The following RPP21 variants were observed in gnomAD, a reference collection of about 807,000 sequenced individuals.
The protein encoded by RPP21 is ribonuclease P subunit p21, also known as ribonuclease P protein subunit p21.
In RPP21, 21 loss-of-function variants were observed where a neutral mutation model predicts 19.0. That is an observed-to-expected ratio of 1.11 (90% CI 0.78 to 1.59). The LOEUF is 1.59. Ranked by LOEUF, RPP21 falls within the 40% of genes most tolerant of loss-of-function variation. The probability of loss-of-function intolerance (pLI) is 0.00; values close to 1 mark genes in which losing one functional copy is unlikely to be tolerated. For synonymous variants in RPP21, 93 were observed against 78.7 expected, an observed-to-expected ratio of 1.18 and a Z score of -0.96; for missense variants, 215 against 200.2, an observed-to-expected ratio of 1.07 and a Z score of -0.45.
chr6:30,346,427 C>T lies in RPP21; in HGVS notation c.242-5C>T. On this transcript the variant is annotated splice_polypyrimidine_tract_variant and splice_region_variant and intron_variant, in intron 3 of 4. Coordinates refer to ENST00000442966, the MANE Select transcript of RPP21 (RefSeq NM_024839.4). This position sits in a 1 kb window ranked among gnomAD's most constrained non-coding sequence, Gnocchi z 4.7. ...TGGACAGTCTTTTTCCCATGTTCACCCTAGGCTGCAGGGGACAGCGCTGGA... is the reference window on the plus strand; with the variant it reads ...TGGACAGTCTTTTTCCCATGTTCACTCTAGGCTGCAGGGGACAGCGCTGGA... The T allele has an allele frequency of 6.2e-7, 1 of 1,612,952 alleles. No individual in the cohort carries two copies. The highest frequency in any genetic ancestry group is 8.5e-7 in the Non-Finnish European group (1 of 1,179,242).
intron 3 of RPP21, 71 bp downstream of exon 3, chr6:30,345,644 G>A: frequency 9.4e-7 from 1 of 1,058,584 alleles, no homozygotes; most frequent in Non-Finnish European, 1.3e-6. Flanking sequence ...TGGGGGGCGG[G>A]CACTGGAGGC....
Position 30,346,833 on chromosome 6 carries a change from T to C in RPP21, c.*23T>C. The C allele has an allele frequency of 1.2e-6, 2 of 1,611,548 alleles. No individual in the cohort carries two copies. The highest frequency in any genetic ancestry group is 1.7e-6 in the Non-Finnish European group (2 of 1,178,820). Reference sequence around the variant, plus strand: ...TGATGGATTCACCCCATCTCCCAAATAAAGTTTACTTGTTTTACATTCCAT... The same window carrying C: ...TGATGGATTCACCCCATCTCCCAAACAAAGTTTACTTGTTTTACATTCCAT... On this transcript the variant is annotated 3_prime_UTR_variant, in exon 5 of 5. Transcript: ENST00000442966. The surrounding 1 kb of genome is among the most constrained non-coding windows in gnomAD (Gnocchi z 4.7).
chr6:30,346,818 A>C lies in RPP21; in HGVS notation c.*8A>C. On this transcript the variant is annotated 3_prime_UTR_variant, in exon 5 of 5. Coordinates refer to ENST00000442966, the MANE Select transcript of RPP21 (RefSeq NM_024839.4). The surrounding 1 kb of genome is among the most constrained non-coding windows in gnomAD (Gnocchi z 4.7). ...GGTTCCAGTAACCAGTGATGGATTC[A>C]CCCCATCTCCCAAATAAAGTTTACT... The C allele has an allele frequency of 6.2e-7, 1 of 1,612,980 alleles. No homozygotes were observed. Among genetic ancestry groups the C allele is most frequent in the Non-Finnish European group, 8.5e-7 (1 of 1,179,924 alleles).
Position 30,346,829 on chromosome 6 carries a change from C to A in RPP21, c.*19C>A, listed in dbSNP as rs748653720. On this transcript the variant is annotated 3_prime_UTR_variant, in exon 5 of 5. Transcript: ENST00000442966. This position sits in a 1 kb window ranked among gnomAD's most constrained non-coding sequence, Gnocchi z 4.7. ...CCAGTGATGGATTCACCCCATCTCC[C>A]AAATAAAGTTTACTTGTTTTACATT... The A allele has an allele frequency of 2.0e-5, 32 of 1,612,096 alleles. No homozygotes were observed. Among genetic ancestry groups the A allele is most frequent in the Non-Finnish European group, 2.7e-5 (32 of 1,179,286 alleles).
At chr6:30,345,767 C>A in intron 3 of RPP21, 194 bp downstream of exon 3, 2 of 623,460 alleles carry the variant, frequency 3.2e-6, no homozygotes, top group Non-Finnish European at 5.0e-6. Context: ...AGGGTTTGGG[C>A]TCGGCTGTTT....
chr6:30,346,597 T>C lies in RPP21; in HGVS notation c.367+40T>C, dbSNP rs1562439931. The C allele has an allele frequency of 1.2e-6, 2 of 1,614,016 alleles. No homozygotes were observed. Among genetic ancestry groups the C allele is most frequent in the Admixed American group, 1.7e-5 (1 of 60,020 alleles). On this transcript the variant is annotated intron_variant, in intron 4 of 4. Coordinates refer to ENST00000442966, the MANE Select transcript of RPP21 (RefSeq NM_024839.4). The surrounding 1 kb of genome is among the most constrained non-coding windows in gnomAD (Gnocchi z 4.7). ...AGAAAATGGAGGACACCCCAGAGGA[T>C]AGGGACAATGGAGAACGTAGAGTGA...
In RPP21 at chr6:30,345,403, G is replaced by C; in HGVS notation, c.158+5G>C. The C allele has an allele frequency of 6.2e-7, 1 of 1,612,432 alleles. No individual in the cohort carries two copies. On this transcript the variant is annotated splice_donor_5th_base_variant and intron_variant, in intron 2 of 4. Transcript: ENST00000442966. ...GAAGCGGCTCGTCTTGCGGCGGTGA[G>C]ACAGCCACGGGGCGGGCGGCGGGCG...
intron 3 of RPP21, 28 bp downstream of exon 3, chr6:30,345,601 TGCG>T (rs750396948): frequency 3.5e-5 from 27 of 777,350 alleles, no homozygotes; most frequent in Middle Eastern, 3.6e-4. Context: ...GGTGGAAGAC[TGCG>T]GAGCATTGGG....
Position 30,346,472 on chromosome 6 carries a change from A to T in RPP21, c.282A>T (p.Thr94=), listed in dbSNP as rs753641041. Residue 94 remains threonine (T), a synonymous_variant, in exon 4 of 5, where the codon ACA becomes ACT. Coordinates refer to ENST00000442966, the MANE Select transcript of RPP21 (RefSeq NM_024839.4). This position sits in a 1 kb window ranked among gnomAD's most constrained non-coding sequence, Gnocchi z 4.7. ...GQRWTVQTCL[T]CQRSQRFLND... Reference sequence around the variant, plus strand: ...GCTGGACCGTACAGACCTGCCTAACATGCCAGCGCAGCCAACGCTTCCTCA... The same window carrying T: ...GCTGGACCGTACAGACCTGCCTAACTTGCCAGCGCAGCCAACGCTTCCTCA... 1.9e-6 allele frequency: 3 copies of T among 1,614,100 alleles called. No homozygotes were observed. Among genetic ancestry groups the T allele is most frequent in the Admixed American group, 1.7e-5 (1 of 60,014 alleles).
At position 30,346,056 on chromosome 6, in the gene RPP21, A is replaced by T; in HGVS notation, c.242-376A>T. 4.1e-6 allele frequency: 1 copy of T among 243,354 alleles called. No homozygotes were observed. Among genetic ancestry groups the T allele is most frequent in the Non-Finnish European group, 8.0e-6 (1 of 125,442 alleles). 15.1% of individuals were successfully genotyped at this position (243,354 alleles called of 1,614,324 possible). ...TCACTTACTCATGCCAGTGGTGGCG[A>T]AGTTTATGATAAGCAAAGGGAGTGA... On this transcript the variant is annotated intron_variant, in intron 3 of 4. Transcript: ENST00000442966. This position sits in a 1 kb window ranked among gnomAD's most constrained non-coding sequence, Gnocchi z 4.7.
intron 3 of RPP21, 44 bp downstream of exon 3, chr6:30,345,617 C>T (rs1788069700): frequency 5.8e-6 from 2 of 345,802 alleles, no homozygotes; most frequent in Non-Finnish European, 4.9e-6. Flanking sequence ...GCATTGGGGG[C>T]GCGGAGGGGG....
Position 30,346,338 on chromosome 6 carries a change from C to T in RPP21, c.242-94C>T, listed in dbSNP as rs527376715. ...TCAAATTGGGGGTGTGGTGGGGGAG[C>T]GGGGATACCTACTGAAAAACACTGG... is the stretch of plus-strand genomic sequence containing the variant. On this transcript the variant is annotated intron_variant, in intron 3 of 4. Transcript: ENST00000442966. The surrounding 1 kb of genome is among the most constrained non-coding windows in gnomAD (Gnocchi z 4.7). 1.2e-4 allele frequency: 187 copies of T among 1,549,980 alleles called. No individual in the cohort carries two copies. In the East Asian group the frequency reaches 3.7e-3, roughly 30 times the overall value.
Position 30,345,566 on chromosome 6 carries a change from C to T in RPP21, c.234C>T (p.Arg78=). Residue 78 remains arginine (R), a synonymous_variant, in exon 3 of 5, where the codon CGC becomes CGT. Coordinates refer to ENST00000442966, the MANE Select transcript of RPP21 (RefSeq NM_024839.4). ...LLVPGLTCTQ[R]QRRCRGQRWT... is the part of the protein sequence containing the mutation. ...TCCCGGGCCTCACCTGCACCCAGCG[C>T]CAGAGACGTGAGTGCTCCAACGGAG... 4 of 1,567,248 alleles carry T rather than the reference C, an allele frequency of 2.6e-6. No homozygotes were observed. Among genetic ancestry groups the T allele is most frequent in the South Asian group, 1.2e-5 (1 of 85,748 alleles).
Position 30,345,309 on chromosome 6 carries a change from T to C in RPP21, c.69T>C (p.Cys23=). Residue 23 remains cysteine, a synonymous_variant, in exon 2 of 5, where the codon TGT becomes TGC. Coordinates refer to ENST00000442966, the MANE Select transcript of RPP21 (RefSeq NM_024839.4). ...RLNFLYQAAH[C]VLAQDPENQA... Reference sequence around the variant, plus strand: ...CTCCCCTCCCGCAGGCCGCCCATTGTGTCCTTGCCCAGGACCCCGAGAACC... The same window carrying C: ...CTCCCCTCCCGCAGGCCGCCCATTGCGTCCTTGCCCAGGACCCCGAGAACC... 2 of 1,613,720 alleles carry C rather than the reference T, an allele frequency of 1.2e-6. No individual in the cohort carries two copies. Among genetic ancestry groups the C allele is most frequent in the Non-Finnish European group, 1.7e-6 (2 of 1,179,918 alleles).
chr6:30,345,774 GTTTT>G, intron 3 of RPP21: 3 of 447,276 alleles, frequency 6.7e-6, no homozygotes, highest in Non-Finnish European at 1.1e-5. Flanking sequence ...GGGCTCGGCT[GTTTT>G]TTTTTTTTTT....
At position 30,345,248 on chromosome 6, in the gene RPP21, C is replaced by A. The variant is rs762656724; in HGVS notation, c.57+20C>A. The stretch of plus-strand genomic sequence containing the variant: ...TACCAGGTGAGTCTGCGACAAGGGC[C>A]CCACGGGGACGGTGCTCGGCGTCCC... On this transcript the variant is annotated intron_variant, in intron 1 of 4. Transcript: ENST00000442966. 1.9e-6 allele frequency: 3 copies of A among 1,612,118 alleles called. No individual in the cohort carries two copies. The highest frequency in any genetic ancestry group is 1.7e-6 in the Non-Finnish European group (2 of 1,179,356).
chr6:30,346,361 T>C lies in RPP21; in HGVS notation c.242-71T>C, dbSNP rs992492122. 7.0e-6 allele frequency: 11 copies of C among 1,576,660 alleles called. No individual in the cohort carries two copies. The highest frequency in any genetic ancestry group is 9.5e-6 in the Non-Finnish European group (11 of 1,155,382). On this transcript the variant is annotated intron_variant, in intron 3 of 4. Transcript: ENST00000442966. This position sits in a 1 kb window ranked among gnomAD's most constrained non-coding sequence, Gnocchi z 4.7. ...AGCGGGGATACCTACTGAAAAACAC[T>C]GGAGGCAAAACTGGCAGCAAGAGAC...
chr6:30,345,854 T>A (rs943841044), intron 3 of RPP21: 9 of 438,920 alleles, frequency 2.1e-5, no homozygotes, highest in Non-Finnish European at 3.2e-5. Context: ...ATAATAGATG[T>A]TGTTCGGCTT....
At chr6:30,345,844 A>G (rs1338728834) in intron 3 of RPP21, 7 of 464,646 alleles carry the variant, frequency 1.5e-5, no homozygotes, top group Admixed American at 1.2e-4. Context: ...CCCATGCACA[A>G]TAATAGATGT....
Sources: gnomAD v4.1 joint callset for allele counts on GRCh38, gnomAD v4.1.1 for gene constraint, Gnocchi (gnomAD v3.1) non-coding constraint, MANE v1.5 for transcripts, NCBI Gene and HGNC (gene_info 2026-07-23, HGNC 2026-07-21) for gene names.